Variants in OPCML observed in about 807,000 individuals in gnomAD.
OPCML encodes the protein opioid binding protein/cell adhesion molecule like, also known as opioid-binding protein/cell adhesion molecule.
OPCML carries 13 observed loss-of-function variants against 37.8 expected under a neutral mutation model. That is an observed-to-expected ratio of 0.34 (90% CI 0.22 to 0.55). The LOEUF is 0.55. Ranked by LOEUF, OPCML falls within the 20% of genes least tolerant of loss-of-function variation. The pLI is 0.91. For synonymous variants in OPCML, 176 were observed against 168.8 expected (o/e 1.04, Z -0.33); for missense variants, 341 against 435.6 (o/e 0.78, Z 1.93).
At chr11:132,470,427 T>C (rs892102905) in intron 4 of OPCML, among the ~76,000 whole-genome samples, 1 of 151,960 alleles carries the variant, frequency 6.6e-6, no homozygotes, top group Non-Finnish European at 1.5e-5. Flanking sequence ...TGAGACTGAG[T>C]GAATTAGGGC....
rs1945355636 is a variant in OPCML, at chr11:132,739,097, A to G, written c.147-81778T>C. On this transcript the variant is annotated intron_variant, in intron 2 of 7. Transcript: ENST00000524381. ...TCAGAAATGACGCCAAGCAGAATCT[A>G]TATAACAAATCTTACTGAAATAACT... is the stretch of plus-strand genomic sequence containing the variant. 1.3e-5 allele frequency among the ~76,000 whole-genome samples: 2 copies of G among 152,220 alleles called. 1 individual carries two copies. The highest frequency in any genetic ancestry group is 4.1e-4 in the South Asian group (2 of 4,832).
intron 1 of OPCML, among the ~76,000 whole-genome samples, chr11:133,198,076 T>C (rs565706935): frequency 6.6e-6 from 1 of 152,346 alleles, no homozygotes; most frequent in Non-Finnish European, 1.5e-5. Flanking sequence ...AATGAAATGA[T>C]ATTTTTCAAC....
intron 4 of OPCML, among the ~76,000 whole-genome samples, chr11:132,463,769 A>C (rs903942280): frequency 6.6e-6 from 1 of 152,238 alleles, no homozygotes; most frequent in African/African-American, 2.4e-5. Flanking sequence ...GCTTTCTAAA[A>C]ATACATATTA....
chr11:132,735,608 C>T (rs940294093), intron 2 of OPCML, among the ~76,000 whole-genome samples: 5 of 152,162 alleles, frequency 3.3e-5, no homozygotes, highest in African/African-American at 1.2e-4. Context: ...CTCAGCCTCC[C>T]GAGTAGCTGG....
At chr11:132,993,496 G>T (rs561109786) in intron 1 of OPCML, among the ~76,000 whole-genome samples, 14 of 152,298 alleles carry the variant, frequency 9.2e-5, no homozygotes, top group East Asian at 1.9e-4. Flanking sequence ...CCGTTGAGAT[G>T]CCAGCAGGCG....
intron 7 of OPCML, among the ~76,000 whole-genome samples, chr11:132,425,105 G>A (rs1185887276): frequency 3.3e-5 from 5 of 152,282 alleles, no homozygotes; most frequent in Non-Finnish European, 7.3e-5. Context: ...GGGAAATGTT[G>A]AAGTCGTTCA....
chr11:132,977,110 CT>C (rs1373187727), intron 1 of OPCML, among the ~76,000 whole-genome samples: 2 of 152,240 alleles, frequency 1.3e-5, no homozygotes, highest in African/African-American at 2.4e-5. Flanking sequence ...ATCATCATCT[CT>C]TTTCAATGTC....
chr11:132,821,128 G>A (rs935220154), intron 2 of OPCML, among the ~76,000 whole-genome samples: 6 of 152,194 alleles, frequency 3.9e-5, no homozygotes, highest in Non-Finnish European at 7.3e-5. Context: ...GCAAATGTAT[G>A]TGTCATAAGT....
At chr11:133,107,473 T>G (rs1163506332) in intron 1 of OPCML, among the ~76,000 whole-genome samples, 1 of 152,180 alleles carries the variant, frequency 6.6e-6, no homozygotes, top group Non-Finnish European at 1.5e-5. Flanking sequence ...AAGAAGAAAC[T>G]TCTCATCATC....
At chr11:133,361,548 G>T (rs114469886) in intron 1 of OPCML, 5,752 of 159,166 alleles carry the variant, frequency 0.036, 389 homozygotes, top group African/African-American at 0.13. Context: ...GCGCAGACAG[G>T]TCCGGGGCAC....
At chr11:133,260,980 C>T (rs1411325965) in intron 1 of OPCML, among the ~76,000 whole-genome samples, 4 of 152,112 alleles carry the variant, frequency 2.6e-5, no homozygotes, top group Non-Finnish European at 5.9e-5. Flanking sequence ...CTGGCATCTC[C>T]GAAGTGCAGC....
chr11:132,751,004 G>T (rs1945812851), intron 2 of OPCML, among the ~76,000 whole-genome samples: 1 of 152,156 alleles, frequency 6.6e-6, no homozygotes, highest in Non-Finnish European at 1.5e-5. Context: ...CTCACAAGTT[G>T]TTCGGAGGAT....
chr11:133,046,390 G>A (rs1212412623), intron 1 of OPCML, among the ~76,000 whole-genome samples: 3 of 152,150 alleles, frequency 2.0e-5, no homozygotes, highest in African/African-American at 7.2e-5. Context: ...AAAGAACATC[G>A]TATCCTGACG....
intron 1 of OPCML, among the ~76,000 whole-genome samples, chr11:132,948,516 G>A (rs542022093): frequency 2.0e-5 from 3 of 152,284 alleles, no homozygotes; most frequent in African/African-American, 4.8e-5. Context: ...TAAAAGAAAT[G>A]TGTGGGGTAT....
At chr11:133,304,674 A>G (rs73600480) in intron 1 of OPCML, among the ~76,000 whole-genome samples, 7,392 of 152,258 alleles carry the variant, frequency 0.049, 205 homozygotes, top group Middle Eastern at 0.071. Flanking sequence ...GTCTGGGCCA[A>G]GATGAAGGAA....
intron 1 of OPCML, chr11:133,301,463 T>C (rs1341929150): frequency 2.6e-5 from 4 of 152,232 alleles, no homozygotes; most frequent in Non-Finnish European, 2.9e-5. Context: ...AATACGAATT[T>C]GAGGTTTGTT....
rs57244916 is a variant in OPCML, at chr11:132,593,878, G to A, written c.379+63209C>T. On this transcript the variant is annotated intron_variant, in intron 3 of 7. Transcript: ENST00000524381. The stretch of plus-strand genomic sequence containing the variant: ...TTAATGGATTACAGGAAAAAATGAT[G>A]ATCATAATGATGAACATTTTAAGAG... 8.3e-3 allele frequency among the ~76,000 whole-genome samples: 1,267 copies of A among 152,282 alleles called. 27 individuals are homozygous for A. Among genetic ancestry groups the A allele is most frequent in the African/African-American group, 0.029 (1,212 of 41,554 alleles).
chr11:133,045,197 G>A (rs1947983727), intron 1 of OPCML, among the ~76,000 whole-genome samples: 2 of 152,136 alleles, frequency 1.3e-5, no homozygotes, highest in African/African-American at 2.4e-5. Context: ...ACCTTGGGGT[G>A]CATTCTTTCA....
chr11:132,439,376 A>T (rs1365076391), intron 4 of OPCML, among the ~76,000 whole-genome samples: 2 of 152,198 alleles, frequency 1.3e-5, no homozygotes, highest in East Asian at 3.8e-4. Context: ...GAAACTCCAG[A>T]GCATGCGCCA....
Sources: allele counts gnomAD v4.1 joint callset (sites outside exome capture counted in the v4.1 genomes callset), GRCh38; gene constraint gnomAD v4.1.1; transcripts MANE v1.5; gene names NCBI Gene and HGNC (gene_info 2026-07-23, HGNC 2026-07-21).